The following TRIM7 variants were observed in gnomAD, a reference collection of about 807,000 sequenced individuals.
The protein encoded by TRIM7 is tripartite motif containing 7.
Under a neutral mutation model 37.9 loss-of-function variants are expected in TRIM7, and 32 were observed. The observed-to-expected ratio is 0.84, with a 90% confidence interval of 0.64 to 1.13. The LOEUF (loss-of-function observed/expected upper bound fraction) is 1.13. TRIM7 is among the 50% of genes most tolerant of loss of function. TRIM7 has a pLI of 0.00. For missense variants in TRIM7, 732 were observed against 714.0 expected, an observed-to-expected ratio of 1.03 and a Z score of -0.29; for synonymous variants, 351 against 321.3, an observed-to-expected ratio of 1.09 and a Z score of -0.99.
intron 4 of TRIM7, 115 bp from the exon 5 acceptor site, chr5:181,198,920 A>T (rs1757307061): frequency 8.6e-7 from 1 of 1,167,832 alleles, no homozygotes; most frequent in South Asian, 1.3e-5. Context: ...GGAGAGCCAG[A>T]CCTCATGCAG....
chr5:181,199,663 A>G (rs1757352318), intron 3 of TRIM7, 188 bp downstream of exon 3: 2 of 869,806 alleles, frequency 2.3e-6, no homozygotes, highest in Admixed American at 3.1e-5. Flanking sequence ...ATTGTGGCTC[A>G]TAGTCAAGAA....
At chr5:181,199,439 G>A in intron 3 of TRIM7, 1 of 510,720 alleles carries the variant, frequency 2.0e-6, no homozygotes, top group Non-Finnish European at 3.5e-6. Flanking sequence ...AACCACCTGA[G>A]GGAGGTCACA....
At chr5:181,203,829 C>T (rs1757657440) in intron 1 of TRIM7, 189 bp from the exon 2 acceptor site, 3 of 1,359,226 alleles carry the variant, frequency 2.2e-6, no homozygotes, top group African/African-American at 2.9e-5. Flanking sequence ...ATCTTGCTTC[C>T]CCAAAAGCAT....
At chr5:181,200,984 T>C (rs978072451) in intron 2 of TRIM7, 1 of 913,168 alleles carries the variant, frequency 1.1e-6, no homozygotes. Context: ...GGCAGCCCAG[T>C]GGGGAGGGTG....
chr5:181,198,032 TG>T, intron 6 of TRIM7, 150 bp downstream of exon 6: 6 of 679,338 alleles, frequency 8.8e-6, no homozygotes, highest in Non-Finnish European at 5.0e-6. Flanking sequence ...GGGGAGGGGG[TG>T]GTGTGGGGGA....
intron 6 of TRIM7, 32 bp downstream of exon 6, chr5:181,198,151 G>A: frequency 6.2e-7 from 1 of 1,612,750 alleles, no homozygotes; most frequent in East Asian, 2.2e-5. Flanking sequence ...GTGGCAGACA[G>A]TCCATACTCG....
chr5:181,197,163 A>C (rs1757179448), intron 6 of TRIM7: 1 of 152,092 alleles, frequency 6.6e-6, no homozygotes. Context: ...AAAAAAAAAA[A>C]AGTTAAAATA....
At position 181,195,418 on chromosome 5, in the gene TRIM7, G is replaced by C; in HGVS notation, c.1284C>G (p.Pro428=). The C allele has an allele frequency of 1.3e-6, 2 of 1,599,750 alleles. No individual in the cohort carries two copies. Among genetic ancestry groups the C allele is most frequent in the Non-Finnish European group, 1.7e-6 (2 of 1,173,464 alleles). Residue 428 remains proline (P), a synonymous_variant, in exon 7 of 7, where the codon CCC becomes CCG. Coordinates refer to ENST00000274773, the MANE Select transcript of TRIM7 (RefSeq NM_203293.3). ...GCTGCAGGGCCCAGACGCCCTCCTC[G>C]GGAGTGAAGGGCGTCAGGCCCTTTC... The part of the protein sequence containing the change: ...VRRKGLTPFT[P]EEGVWALQLN...
intron 1 of TRIM7, chr5:181,204,338 G>A: frequency 1.7e-6 from 2 of 1,203,670 alleles, no homozygotes; most frequent in Non-Finnish European, 1.0e-6. Context: ...GGGACGTCGC[G>A]CAGGCGGCCC....
In TRIM7 at chr5:181,195,186, A is replaced by G; in HGVS notation, c.1516T>C (p.Tyr506His). 1 of 1,605,752 alleles carries G rather than the reference A, an allele frequency of 6.2e-7. No individual in the cohort carries two copies. The highest frequency in any genetic ancestry group is 8.5e-7 in the Non-Finnish European group (1 of 1,174,990). ...GCCCCTCAAGGCCAGATTCGCAAGT[A>G]GGTGCCCGTGGAGCAAACAGAGAAA... ...PLFSVCSTGTYLRIWP is the reference protein window; with the variant it reads ...PLFSVCSTGTHLRIWP The change falls in exon 7 of 7, where the codon TAC becomes CAC. Residue 506 changes from tyrosine (Y) to histidine (H), a missense_variant. Tyr to His is a moderately conservative substitution (Grantham distance 83). Coordinates refer to ENST00000274773, the MANE Select transcript of TRIM7 (RefSeq NM_203293.3).
rs1035395835 is a variant in TRIM7 at position 181,199,758 on chromosome 5, C to G, written c.849+93G>C. 4 of 1,467,736 alleles carry G rather than the reference C, an allele frequency of 2.7e-6. No individual in the cohort carries two copies. In the African/African-American group the frequency reaches 5.7e-5, roughly 21 times the overall value. The allele number at this position is 1,467,736 out of a possible 1,614,324, so 90.9% of individuals were successfully genotyped here. The stretch of plus-strand genomic sequence containing the variant: ...CCCTTCAGCTCCAGATCATGTGATT[C>G]TCCTAGACCCCCCAGGACTGACACT... On this transcript the variant is annotated intron_variant, in intron 3 of 6. Coordinates refer to ENST00000274773, the MANE Select transcript of TRIM7 (RefSeq NM_203293.3).
chr5:181,196,149 A>G (rs1339339563), intron 6 of TRIM7: 6 of 154,590 alleles, frequency 3.9e-5, no homozygotes, highest in African/African-American at 1.4e-4. Flanking sequence ...TGGGAGGCCA[A>G]GGTGTGTGGA....
Position 181,204,756 on chromosome 5 carries a change from G to C in TRIM7, c.355C>G (p.Gln119Glu). 6.9e-7 allele frequency: 1 copy of C among 1,454,840 alleles called. No individual in the cohort carries two copies. 90.1% of individuals were successfully genotyped at this position (1,454,840 alleles called of 1,614,324 possible). A position where few individuals can be genotyped will look rare whatever the true frequency, so the allele number is the denominator to read the frequency against. The stretch of plus-strand genomic sequence containing the variant: ...GCCGCTGCCCGGGCCGCGGCCGCCT[G>C]AGACCCGTGCTCTCCCGGGGCAGCC... ...PAAAPGEHGS[Q>E]AAAARAAAAR... is the part of the protein sequence containing the mutation. The change falls in exon 1 of 7, where the codon CAG becomes GAG. Residue 119 changes from glutamine to glutamate, a missense_variant. Coordinates refer to ENST00000274773, the MANE Select transcript of TRIM7 (RefSeq NM_203293.3).
At position 181,198,337 on chromosome 5, in the gene TRIM7, A is replaced by G. The variant is rs1276127218; in HGVS notation, c.989-119T>C. 6.3e-6 allele frequency: 7 copies of G among 1,103,204 alleles called. No individual in the cohort carries two copies. The Admixed American group carries it at 1.4e-4, about 21-fold the overall frequency. 68.3% of individuals were successfully genotyped at this position (1,103,204 alleles called of 1,614,324 possible). ...TTCCCCAGAGACTCCTAAGGCCAAGAGTGAACGTGCAGGCACAGGGCCAAG... is the reference window on the plus strand; with the variant it reads ...TTCCCCAGAGACTCCTAAGGCCAAGGGTGAACGTGCAGGCACAGGGCCAAG... On this transcript the variant is annotated intron_variant, in intron 5 of 6. Coordinates refer to ENST00000274773, the MANE Select transcript of TRIM7 (RefSeq NM_203293.3).
rs1249281694 is a variant in TRIM7, at chr5:181,198,687, T to C, written c.988+3A>G. On this transcript the variant is annotated splice_donor_region_variant and intron_variant, in intron 5 of 6. Coordinates refer to ENST00000274773, the MANE Select transcript of TRIM7 (RefSeq NM_203293.3). ...TGGCCCAGCTTGGCGCCCAGGCCCC[T>C]ACCTTTGAACTTCTTCAGCATCCCT... The C allele has an allele frequency of 1.9e-6, 3 of 1,609,736 alleles. No individual in the cohort carries two copies. Among genetic ancestry groups the C allele is most frequent in the Non-Finnish European group, 2.6e-6 (3 of 1,176,186 alleles).
chr5:181,203,517 A>T (rs767136388), intron 2 of TRIM7, 28 bp downstream of exon 2: 1 of 1,613,564 alleles, frequency 6.2e-7, no homozygotes, highest in African/African-American at 1.3e-5. Context: ...GTAATGTCCC[A>T]CGGGGGGCCT....
chr5:181,198,019 G>A, intron 6 of TRIM7, 164 bp downstream of exon 6: 2 of 685,316 alleles, frequency 2.9e-6, no homozygotes, highest in Non-Finnish European at 2.5e-6. Flanking sequence ...GAGCTCCCAG[G>A]ATGGGGAGGG....
At position 181,198,208 on chromosome 5, in the gene TRIM7, C is replaced by T. The variant is rs1457151760; in HGVS notation, c.999G>A (p.Arg333=). Reference sequence around the variant, plus strand: ...CTTTCTCCTCTTTCTCCAGCTCTCCCCGAAGGTCCTCTGAGGAGGAGAAAC... The same window carrying T: ...CTTTCTCCTCTTTCTCCAGCTCTCCTCGAAGGTCCTCTGAGGAGGAGAAAC... The part of the protein sequence containing the change: ...GMLKKFKEDL[R]GELEKEEKVE... Residue 333 remains arginine, a synonymous_variant, in exon 6 of 7, where the codon CGG becomes CGA. Transcript: ENST00000274773. The T allele has an allele frequency of 1.9e-6, 3 of 1,614,140 alleles. No homozygotes were observed. The highest frequency in any genetic ancestry group is 1.3e-5 in the African/African-American group (1 of 75,028).
At chr5:181,200,662 A>G in intron 2 of TRIM7, 4 of 998,974 alleles carry the variant, frequency 4.0e-6, no homozygotes, top group Non-Finnish European at 3.6e-6. Context: ...GAACGAAGTG[A>G]GAATATGCGG....
Sources: gnomAD v4.1 joint callset for allele counts on GRCh38, gnomAD v4.1.1 for gene constraint, MANE v1.5 for transcripts, NCBI Gene and HGNC (gene_info 2026-07-23, HGNC 2026-07-21) for gene names.